The following INSYN2A variants were observed in gnomAD, a reference collection of about 807,000 sequenced individuals.
The protein encoded by INSYN2A is inhibitory synaptic factor 2A.
In INSYN2A, 17 loss-of-function variants were observed where a neutral mutation model predicts 39.4. The ratio of observed to expected loss-of-function variants is 0.43; its 90% CI spans 0.30 to 0.65. The LOEUF (loss-of-function observed/expected upper bound fraction) is 0.65, where lower values mean the gene tolerates loss of function less well. Among genes scored for constraint, INSYN2A ranks in the 30% least tolerant of loss-of-function variants. INSYN2A has a pLI of 0.14. For missense variants in INSYN2A, 595 were observed against 631.2 expected (o/e 0.94, Z 0.61); for synonymous variants, 255 against 265.7 (o/e 0.96, Z 0.39).
intron 4 of INSYN2A, among the ~76,000 whole-genome samples, chr10:127,155,587 C>G (rs2052964560): frequency 6.6e-6 from 1 of 152,116 alleles, no homozygotes; most frequent in South Asian, 2.1e-4. Context: ...CCCCTTGTTC[C>G]TCACCAGACA....
At chr10:127,191,808 G>T (rs1171859234) in intron 2 of INSYN2A, among the ~76,000 whole-genome samples, 1 of 152,150 alleles carries the variant, frequency 6.6e-6, no homozygotes, top group Non-Finnish European at 1.5e-5. Context: ...TTTCTCTCTG[G>T]GATGTGCCTG....
chr10:127,149,043 G>C (rs558162115), intron 5 of INSYN2A, among the ~76,000 whole-genome samples: 6 of 152,332 alleles, frequency 3.9e-5, no homozygotes, highest in Non-Finnish European at 7.3e-5. Context: ...TCAGCTCTGA[G>C]TCAATAGATT....
In INSYN2A at chr10:127,196,283, G is replaced by T. The variant is rs890957727; in HGVS notation, c.-681C>A. ...TCCGGCCCCGCTTAGCGACGCGCGC[G>T]GGGAGGCAGCGGCTGGGCCAGCTCC... On this transcript the variant is annotated 5_prime_UTR_variant, in exon 1 of 6. Coordinates refer to ENST00000522781, the MANE Select transcript of INSYN2A (RefSeq NM_001039762.3). The T allele has an allele frequency of 6.7e-6, 1 of 149,014 alleles. No individual in the cohort carries two copies. The highest frequency in any genetic ancestry group is 6.7e-5 in the Admixed American group (1 of 14,988). The allele number at this position is 149,014 out of a possible 1,614,324, so 9.2% of individuals were successfully genotyped here.
chr10:127,149,658 T>A (rs1012982938), intron 5 of INSYN2A, among the ~76,000 whole-genome samples: 3 of 151,918 alleles, frequency 2.0e-5, no homozygotes, highest in African/African-American at 7.2e-5. Flanking sequence ...ACAGGCAGGG[T>A]CAAATTCATT....
rs566306148 is a variant in INSYN2A, at chr10:127,135,459, T to A, written c.*2378A>T. The A allele has an allele frequency of 6.5e-6, 1 of 152,776 alleles. No homozygotes were observed. Among genetic ancestry groups the A allele is most frequent in the South Asian group, 2.1e-4 (1 of 4,830 alleles). The allele number at this position is 152,776 out of a possible 1,614,324, so 9.5% of individuals were successfully genotyped here. On this transcript the variant is annotated 3_prime_UTR_variant, in exon 6 of 6. Coordinates refer to ENST00000522781, the MANE Select transcript of INSYN2A (RefSeq NM_001039762.3). ...TTTGATTTTTTTATTTAAAAATTAA[T>A]AAAGAACTTAACGACAAGTATAATA...
chr10:127,144,689 G>A (rs969055243), intron 5 of INSYN2A, among the ~76,000 whole-genome samples: 1 of 151,866 alleles, frequency 6.6e-6, no homozygotes, highest in Non-Finnish European at 1.5e-5. Flanking sequence ...AATATATATG[G>A]ATCTCATCCT....
chr10:127,174,713 A>G (rs2054916478), intron 4 of INSYN2A, among the ~76,000 whole-genome samples: 1 of 152,188 alleles, frequency 6.6e-6, no homozygotes, highest in Non-Finnish European at 1.5e-5. Flanking sequence ...AAAGCCTTGT[A>G]CAGTCCTGAA....
chr10:127,155,919 C>G (rs1385181619), intron 4 of INSYN2A, among the ~76,000 whole-genome samples: 1 of 152,160 alleles, frequency 6.6e-6, no homozygotes, highest in African/African-American at 2.4e-5. Context: ...GCTTGGGTGG[C>G]AGATGAGGTA....
intron 2 of INSYN2A, among the ~76,000 whole-genome samples, chr10:127,187,599 C>T (rs1430071848): frequency 6.6e-6 from 1 of 152,042 alleles, no homozygotes; most frequent in Admixed American, 6.6e-5. Context: ...CAGGGGGTGG[C>T]TGTCCTCCTA....
At chr10:127,178,483 A>G (rs561439142) in intron 2 of INSYN2A, among the ~76,000 whole-genome samples, 1 of 152,106 alleles carries the variant, frequency 6.6e-6, no homozygotes, top group Admixed American at 6.6e-5. Flanking sequence ...ACAACTAGAA[A>G]TGTCTCCAGC....
At chr10:127,153,985 C>T (rs554238351) in intron 4 of INSYN2A, 62 bp from the exon 5 acceptor site, 2 of 1,194,464 alleles carry the variant, frequency 1.7e-6, no homozygotes, top group African/African-American at 1.5e-5. Flanking sequence ...CTTTATAGAG[C>T]AGATGCCTCA....
At chr10:127,156,177 C>A (rs567627236) in intron 4 of INSYN2A, among the ~76,000 whole-genome samples, 2 of 152,326 alleles carry the variant, frequency 1.3e-5, no homozygotes, top group South Asian at 4.1e-4. Flanking sequence ...CATCAACACT[C>A]CTTCCTTGCC....
intron 4 of INSYN2A, among the ~76,000 whole-genome samples, chr10:127,157,116 T>G (rs1160096243): frequency 6.6e-6 from 1 of 152,218 alleles, no homozygotes; most frequent in Admixed American, 6.5e-5. Flanking sequence ...GGTTAATTTT[T>G]GATACTGCTG....
intron 4 of INSYN2A, among the ~76,000 whole-genome samples, chr10:127,165,658 A>G (rs930130729): frequency 2.6e-5 from 4 of 152,170 alleles, no homozygotes; most frequent in African/African-American, 4.8e-5. Flanking sequence ...TGAGGAAGGA[A>G]GAGCCAGACA....
chr10:127,162,412 A>G lies in INSYN2A; in HGVS notation c.1185-8489T>C, dbSNP rs142854882. 6.9e-3 allele frequency among the ~76,000 whole-genome samples: 1,053 copies of G among 152,318 alleles called. 4 individuals carry two copies. Among genetic ancestry groups the G allele is most frequent in the African/African-American group, 0.015 (639 of 41,572 alleles). On this transcript the variant is annotated intron_variant, in intron 4 of 5. Coordinates refer to ENST00000522781, the MANE Select transcript of INSYN2A (RefSeq NM_001039762.3). ...TAGCATTCTAATGCTGAATCTCCAT[A>G]TAGATTAAAGGATTTTGAGGGCTAC...
intron 4 of INSYN2A, among the ~76,000 whole-genome samples, chr10:127,157,411 A>T (rs2053187502): frequency 6.6e-6 from 1 of 152,256 alleles, no homozygotes; most frequent in Admixed American, 6.5e-5. Flanking sequence ...CCCTTTGGGC[A>T]TTATTTTAAA....
intron 4 of INSYN2A, among the ~76,000 whole-genome samples, chr10:127,162,641 A>T (rs537605160): frequency 5.3e-5 from 8 of 152,190 alleles, no homozygotes; most frequent in Non-Finnish European, 8.8e-5. Context: ...TGTACATGTA[A>T]ACTCCATGTG....
In INSYN2A at chr10:127,175,570, C is replaced by T. The variant is rs143897472; in HGVS notation, c.826G>A (p.Ala276Thr). 29 of 1,611,178 alleles carry T rather than the reference C, an allele frequency of 1.8e-5. No homozygotes were observed. The highest frequency in any genetic ancestry group is 1.3e-4 in the Admixed American group (8 of 59,988). ...GCCGGGCAGAGTGACCACTGGCTGG[C>T]GGCTGCAGAGTCTGACAAACCAGGC... ...PEPGLSDSAA[A>T]SQWSLCPADD... is the part of the protein sequence containing the mutation. Residue 276 changes from alanine (A) to threonine (T), a missense_variant, in exon 4 of 6, where the codon GCC becomes ACC. By Grantham distance (58) the Ala-to-Thr change is moderately conservative. Coordinates refer to ENST00000522781, the MANE Select transcript of INSYN2A (RefSeq NM_001039762.3). This position sits in a 1 kb window ranked among gnomAD's most constrained non-coding sequence, Gnocchi z 6.3.
At chr10:127,147,911 G>A (rs1021575205) in intron 5 of INSYN2A, among the ~76,000 whole-genome samples, 39 of 151,426 alleles carry the variant, frequency 2.6e-4, no homozygotes, top group African/African-American at 9.0e-4. Flanking sequence ...CGCGCACGTA[G>A]TCCCAGCTAC....
Sources: gnomAD v4.1 joint callset for allele counts (sites outside exome capture counted in the v4.1 genomes callset) on GRCh38, gnomAD v4.1.1 for gene constraint, Gnocchi (gnomAD v3.1) non-coding constraint, MANE v1.5 for transcripts, NCBI Gene and HGNC (gene_info 2026-07-23, HGNC 2026-07-21) for gene names.